Variants in PRMT8 observed in about 807,000 individuals in gnomAD.
The protein encoded by PRMT8 is protein arginine methyltransferase 8, also known as protein arginine N-methyltransferase 8.
A neutral mutation model predicts 47.1 loss-of-function variants in PRMT8; 7 were observed. The observed-to-expected ratio is 0.15, with a 90% CI of 0.08 to 0.28. PRMT8 has a LOEUF of 0.28. Among genes scored for constraint, PRMT8 ranks in the 10% least tolerant of loss-of-function variants. The probability of loss-of-function intolerance (pLI) is 1.00; values close to 1 mark genes in which losing one functional copy is unlikely to be tolerated. For missense variants in PRMT8, 237 were observed against 505.4 expected (o/e 0.47, Z 5.09); for synonymous variants, 188 against 186.5 (o/e 1.01, Z -0.07).
At chr12:3,533,930 C>G (rs189936617) in intron 1 of PRMT8, among the ~76,000 whole-genome samples, 151 of 152,354 alleles carry the variant, frequency 9.9e-4, no homozygotes, top group Non-Finnish European at 1.6e-3. Flanking sequence ...TGTAATTATG[C>G]AGAACGGGAG....
chr12:3,476,948 T>C (rs918226778), intron 1 of PRMT8, among the ~76,000 whole-genome samples: 1 of 152,140 alleles, frequency 6.6e-6, no homozygotes, highest in Non-Finnish European at 1.5e-5. Flanking sequence ...TGGGAAGCAT[T>C]TTAGAGAGAA....
intron 1 of PRMT8, among the ~76,000 whole-genome samples, chr12:3,523,114 C>T (rs556108975): frequency 6.6e-6 from 1 of 152,118 alleles, no homozygotes; most frequent in Non-Finnish European, 1.5e-5. Context: ...ATTTAGGAAA[C>T]CAAAGGCAGC....
chr12:3,574,326 A>G (rs1866901589), intron 6 of PRMT8, among the ~76,000 whole-genome samples: 1 of 152,210 alleles, frequency 6.6e-6, no homozygotes, highest in African/African-American at 2.4e-5. Context: ...AAGGTTTCCA[A>G]ATGGTTGGAA....
In PRMT8 at chr12:3,465,432, C is replaced by G. The variant is rs79664243; in HGVS notation, c.49-75174C>G. On this transcript the variant is annotated intron_variant, in intron 1 of 9. Coordinates refer to the PRMT8 transcript ENST00000452611. ...CAAACTGTCCACTGGAATAAAGTCT[C>G]TTTGCTCCAAATTCCTTTTCTGGGA... Among the ~76,000 whole-genome samples the G allele has an allele frequency of 3.1e-3, 465 of 151,916 alleles. 14 individuals are homozygous for G. In the East Asian group the frequency reaches 0.066, roughly 22 times the overall value.
At chr12:3,422,757 A>G (rs891727635) in intron 1 of PRMT8, among the ~76,000 whole-genome samples, 1 of 152,216 alleles carries the variant, frequency 6.6e-6, no homozygotes, top group Admixed American at 6.5e-5. Flanking sequence ...CTGCCTGTGG[A>G]TTCCATTTCT....
intron 1 of PRMT8, among the ~76,000 whole-genome samples, chr12:3,464,147 A>G (rs892021405): frequency 3.3e-5 from 5 of 152,212 alleles, no homozygotes; most frequent in African/African-American, 1.2e-4. Flanking sequence ...ATTAAGGAAC[A>G]CAAAGCAAAC....
Position 3,493,389 on chromosome 12 carries a change from G to C in PRMT8, c.75+1689G>C, listed in dbSNP as rs1865454931. ...CAGGGCTTCAAGGCCGCGCTTCTGTGAAGTGTGGAGCGAGCGGGCACGTAG... is the reference window on the plus strand; with the variant it reads ...CAGGGCTTCAAGGCCGCGCTTCTGTCAAGTGTGGAGCGAGCGGGCACGTAG... On this transcript the variant is annotated intron_variant, in intron 1 of 9. Transcript: ENST00000382622. The surrounding 1 kb of genome is among the most constrained non-coding windows in gnomAD (Gnocchi z 8.2). 6.6e-6 allele frequency among the ~76,000 whole-genome samples: 1 copy of C among 152,274 alleles called. No individual in the cohort carries two copies. The highest frequency in any genetic ancestry group is 1.5e-5 in the Non-Finnish European group (1 of 68,050).
chr12:3,543,594 G>A (rs539318524), intron 2 of PRMT8, among the ~76,000 whole-genome samples: 1 of 152,290 alleles, frequency 6.6e-6, no homozygotes, highest in South Asian at 2.1e-4. Context: ...CGGATAGACT[G>A]GGTTTGATTG....
intron 1 of PRMT8, among the ~76,000 whole-genome samples, chr12:3,398,996 G>A (rs530497721): frequency 2.6e-5 from 4 of 152,190 alleles, no homozygotes; most frequent in Admixed American, 2.6e-4. Context: ...GAATGGGCTT[G>A]TTCCCAGGCT....
chr12:3,542,696 C>T (rs1047059190), intron 2 of PRMT8, among the ~76,000 whole-genome samples: 1 of 152,232 alleles, frequency 6.6e-6, no homozygotes, highest in African/African-American at 2.4e-5. Context: ...AGTCTCCCCT[C>T]CCCACTCGGA....
At chr12:3,477,588 T>C (rs925123142) in intron 1 of PRMT8, among the ~76,000 whole-genome samples, 1 of 152,198 alleles carries the variant, frequency 6.6e-6, no homozygotes. Flanking sequence ...CTCCTCTGCC[T>C]CCTAAAAAAG....
At chr12:3,476,650 A>C (rs1865218258) in intron 1 of PRMT8, among the ~76,000 whole-genome samples, 1 of 152,180 alleles carries the variant, frequency 6.6e-6, no homozygotes, top group South Asian at 2.1e-4. Context: ...GAGTCATTGC[A>C]AAAAAAGCTT....
At chr12:3,517,007 TA>T (rs1865803049) in intron 1 of PRMT8, among the ~76,000 whole-genome samples, 1 of 152,132 alleles carries the variant, frequency 6.6e-6, no homozygotes, top group South Asian at 2.1e-4. Context: ...CAAGACAACC[TA>T]AAAACAACAA....
At chr12:3,435,408 C>A (rs1024551712) in intron 1 of PRMT8, among the ~76,000 whole-genome samples, 8 of 151,926 alleles carry the variant, frequency 5.3e-5, no homozygotes, top group Non-Finnish European at 1.2e-4. Flanking sequence ...GCCTCCTTCT[C>A]AAGGGAAAGG....
Position 3,540,613 on chromosome 12 carries a change from G to GGCCCCCCCCCCCCCCCC in PRMT8, c.83_84insGCCCCCCCCCCCCCCCC (p.Ser28ArgfsTer44). ...CCCTTCTCTTCCCCTCAGGTGAACA[G>GGCCCCCCCCCCCCCCCC]CCCCCCCTCCCAGCCCCCCCAGCCC... On this transcript the variant is annotated frameshift_variant, in exon 2 of 10. Transcript: ENST00000382622. LOFTEE classifies it high-confidence loss of function. 3 of 1,130,522 alleles carry GGCCCCCCCCCCCCCCCC rather than the reference G, an allele frequency of 2.7e-6. No homozygotes were observed. The highest frequency in any genetic ancestry group is 4.0e-6 in the Non-Finnish European group (3 of 752,492). 70.0% of individuals were successfully genotyped at this position (1,130,522 alleles called of 1,614,324 possible).
chr12:3,536,762 C>A (rs1046427027), intron 1 of PRMT8, among the ~76,000 whole-genome samples: 5 of 152,206 alleles, frequency 3.3e-5, no homozygotes, highest in African/African-American at 1.2e-4. Context: ...ATGCTCGGGC[C>A]ACACATCCTT....
intron 1 of PRMT8, among the ~76,000 whole-genome samples, chr12:3,495,216 C>T (rs1436871193): frequency 6.6e-6 from 1 of 152,190 alleles, no homozygotes; most frequent in African/African-American, 2.4e-5. Flanking sequence ...CCTCATAATC[C>T]TACTGTACTG....
intron 1 of PRMT8, among the ~76,000 whole-genome samples, chr12:3,385,012 T>C (rs979833314): frequency 2.6e-5 from 4 of 152,060 alleles, no homozygotes; most frequent in Admixed American, 2.6e-4. Context: ...TTTAAACCAA[T>C]TATGATTCAC....
Position 3,456,021 on chromosome 12 carries a change from G to A in PRMT8, c.48+74579G>A, listed in dbSNP as rs149997389. On this transcript the variant is annotated intron_variant, in intron 1 of 9. Transcript: ENST00000452611. The surrounding 1 kb of genome is among the most constrained non-coding windows in gnomAD (Gnocchi z 4.2). The stretch of plus-strand genomic sequence containing the variant: ...AGTCCCTTAACTTCTCTGAGCCTGC[G>A]TTCTCATCTGTAAAATGAGGATAGT... 5.3e-3 allele frequency among the ~76,000 whole-genome samples: 805 copies of A among 152,272 alleles called. 10 individuals are homozygous for A. The highest frequency in any genetic ancestry group is 0.018 in the African/African-American group (741 of 41,544).
Sources: allele counts gnomAD v4.1 joint callset (sites outside exome capture counted in the v4.1 genomes callset), GRCh38; gene constraint gnomAD v4.1.1; non-coding constraint Gnocchi (gnomAD v3.1); transcripts MANE v1.5; gene names NCBI Gene and HGNC (gene_info 2026-07-23, HGNC 2026-07-21).